The following SLC66A3 variants were observed in gnomAD, a reference collection of about 807,000 sequenced individuals.
The protein encoded by SLC66A3 is PQ loop repeat containing 3.
In SLC66A3, 23 loss-of-function variants were observed where a neutral mutation model predicts 25.5. The ratio of observed to expected loss-of-function variants is 0.90; its 90% CI spans 0.65 to 1.28. SLC66A3 has a LOEUF of 1.28. SLC66A3 is among the 50% of genes most tolerant of loss of function. The pLI is 0.00. For synonymous variants in SLC66A3, 108 were observed against 112.6 expected (o/e 0.96, Z 0.26); for missense variants, 246 against 262.1 (o/e 0.94, Z 0.42).
At chr2:11,170,981 G>C (rs1377199722) in intron 4 of SLC66A3, among the ~76,000 whole-genome samples, 1 of 152,064 alleles carries the variant, frequency 6.6e-6, no homozygotes, top group East Asian at 1.9e-4. Context: ...AACTAGCTCT[G>C]GCCATTAGTT....
rs140299924 is a variant in SLC66A3, at chr2:11,156,306, T to A, written c.143+617T>A. On this transcript the variant is annotated intron_variant, in intron 1 of 6. Coordinates refer to ENST00000295083, the MANE Select transcript of SLC66A3 (RefSeq NM_152391.5). ...AAGGGGTGACGGAAAGGTCGTTAAATCCTTGATTCTGAGGCAGCTTCTAAG... is the reference window on the plus strand; with the variant it reads ...AAGGGGTGACGGAAAGGTCGTTAAAACCTTGATTCTGAGGCAGCTTCTAAG... 2.6e-5 allele frequency among the ~76,000 whole-genome samples: 4 copies of A among 152,316 alleles called. No homozygotes were observed. The East Asian group carries it at 7.7e-4, about 29-fold the overall frequency.
At chr2:11,158,237 G>C (rs919485153) in intron 1 of SLC66A3, among the ~76,000 whole-genome samples, 1 of 152,202 alleles carries the variant, frequency 6.6e-6, no homozygotes, top group Admixed American at 6.5e-5. Flanking sequence ...ACTTTAAAGG[G>C]ACAGGCATGG....
chr2:11,160,759 T>C, intron 3 of SLC66A3, 65 bp downstream of exon 3: 1 of 1,610,886 alleles, frequency 6.2e-7, no homozygotes. Context: ...GTATGCATTG[T>C]GAAGCAGGCT....
intron 5 of SLC66A3, 48 bp from the exon 6 acceptor site, chr2:11,174,920 A>C (rs1343252241): frequency 6.8e-7 from 1 of 1,464,968 alleles, no homozygotes; most frequent in South Asian, 1.2e-5. Context: ...CTAAGCCCCA[A>C]AATGTCCGAG....
At chr2:11,172,656 G>T in intron 5 of SLC66A3, 1 of 321,176 alleles carries the variant, frequency 3.1e-6, no homozygotes. Context: ...AAGGGCTAAT[G>T]TCTCCATCCA....
rs1435453212 is a variant in SLC66A3, at chr2:11,160,549, G to A, written c.226+1G>A. 1.9e-6 allele frequency: 3 copies of A among 1,614,118 alleles called. No homozygotes were observed. The highest frequency in any genetic ancestry group is 2.2e-5 in the South Asian group (2 of 91,072). ...GAGTACCCCATCCTCATCGCGCAAG[G>A]TAACAGCCCCTTCCCTGTCCAGCGG... On this transcript the variant is annotated splice_donor_variant, in intron 2 of 6. Transcript: ENST00000295083. LOFTEE classifies it high-confidence loss of function.
chr2:11,160,708 A>T lies in SLC66A3; in HGVS notation c.296+14A>T. ...TTACATCGCTGTGTATCCTTTCTGA[A>T]TCTGAGCCAGAAGTGGGAACGGGGA... On this transcript the variant is annotated intron_variant, in intron 3 of 6. Transcript: ENST00000295083. 6.2e-7 allele frequency: 1 copy of T among 1,613,516 alleles called. No individual in the cohort carries two copies. Among genetic ancestry groups the T allele is most frequent in the Non-Finnish European group, 8.5e-7 (1 of 1,179,724 alleles).
intron 4 of SLC66A3, among the ~76,000 whole-genome samples, chr2:11,169,180 T>C (rs1385039004): frequency 6.6e-6 from 1 of 152,156 alleles, no homozygotes; most frequent in African/African-American, 2.4e-5. Context: ...AATTCTTCCT[T>C]GTCCAAGTGA....
At chr2:11,166,031 C>T (rs535892050) in intron 4 of SLC66A3, among the ~76,000 whole-genome samples, 2 of 152,102 alleles carry the variant, frequency 1.3e-5, no homozygotes, top group Admixed American at 6.5e-5. Context: ...GGAGAGGGAT[C>T]CCCAGCTAAT....
In SLC66A3 at chr2:11,160,843, T is replaced by C. The variant is rs1572177904; in HGVS notation, c.296+149T>C. ...AAAATCCCAAATGCAAACGTGTCCA[T>C]GTACACCAGAGATGCCCTCAGTACA... On this transcript the variant is annotated intron_variant, in intron 3 of 6. Transcript: ENST00000295083. 29 of 1,299,992 alleles carry C rather than the reference T, an allele frequency of 2.2e-5. No homozygotes were observed. In the East Asian group the frequency reaches 7.2e-4, roughly 32 times the overall value. The allele number at this position is 1,299,992 out of a possible 1,614,324, so 80.5% of individuals were successfully genotyped here.
intron 4 of SLC66A3, among the ~76,000 whole-genome samples, chr2:11,167,302 GT>G (rs1194336502): frequency 6.6e-5 from 10 of 152,142 alleles, no homozygotes; most frequent in Admixed American, 3.3e-4. Context: ...AATTATCTGG[GT>G]GTGGTGGCGC....
In SLC66A3 at chr2:11,164,223, A is replaced by G. The variant is rs772145693; in HGVS notation, c.316A>G (p.Ile106Val). The change falls in exon 4 of 7, where the codon ATC (isoleucine) becomes GTC (valine). Residue 106 changes from isoleucine (I) to valine (V), a missense_variant. By Grantham distance (29) the Ile-to-Val change is conservative. Coordinates refer to ENST00000295083, the MANE Select transcript of SLC66A3 (RefSeq NM_152391.5). ...GGTAAGATTGGTGTCTTCTTGGTTCATCCTTGCCCTGCAGAAGTGGATCAT... is the reference window on the plus strand; with the variant it reads ...GGTAAGATTGGTGTCTTCTTGGTTCGTCCTTGCCCTGCAGAAGTGGATCAT... ...YIAVLVSSWF[I>V]LALQKWIIDL... 3 of 1,578,380 alleles carry G rather than the reference A, an allele frequency of 1.9e-6. No homozygotes were observed. The East Asian group carries it at 7.2e-5, about 38-fold the overall frequency.
In SLC66A3 at chr2:11,172,024, C is replaced by G. The variant is rs758914995; in HGVS notation, c.454C>G (p.Leu152Val). 1 of 1,614,044 alleles carries G rather than the reference C, an allele frequency of 6.2e-7. No homozygotes were observed. The highest frequency in any genetic ancestry group is 1.7e-5 in the Admixed American group (1 of 60,012). ...SGTVSALTWS[L>V]SSYTCATRII... is the part of the protein sequence containing the mutation. ...AACTGTGAGTGCGCTGACTTGGAGCCTCTCTTCCTATACCTGTGCAAGTAA... is the reference window on the plus strand; with the variant it reads ...AACTGTGAGTGCGCTGACTTGGAGCGTCTCTTCCTATACCTGTGCAAGTAA... The change falls in exon 5 of 7, where the codon CTC (leucine) becomes GTC (valine). Residue 152 changes from leucine to valine, a missense_variant. By Grantham distance (32) the Leu-to-Val change is conservative (BLOSUM62 1). Coordinates refer to ENST00000295083, the MANE Select transcript of SLC66A3 (RefSeq NM_152391.5).
chr2:11,177,456 CAAAAA>C (rs371498449), intron 6 of SLC66A3, among the ~76,000 whole-genome samples: 24 of 107,110 alleles, frequency 2.2e-4, no homozygotes, highest in Middle Eastern at 9.8e-3. Context: ...AAGACTGTCT[CAAAAA>C]AAAAAAAAAA....
intron 4 of SLC66A3, among the ~76,000 whole-genome samples, chr2:11,164,949 A>C (rs1251899135): frequency 3.3e-5 from 5 of 152,260 alleles, no homozygotes; most frequent in African/African-American, 1.2e-4. Context: ...CTACACAGAC[A>C]CAGCAACAAT....
chr2:11,155,551 A>T lies in SLC66A3; in HGVS notation c.5A>T (p.Glu2Val). 9.3e-6 allele frequency: 14 copies of T among 1,498,934 alleles called. No individual in the cohort carries two copies. The highest frequency in any genetic ancestry group is 1.2e-5 in the Non-Finnish European group (14 of 1,132,994). The allele number at this position is 1,498,934 out of a possible 1,614,324, so 92.9% of individuals were successfully genotyped here. Reference sequence around the variant, plus strand: ...GGTGCCCGCGCCCGTGGCGCTATGGAGGCGGCGCTGCTGGGGCTGTGTAAC... The same window carrying T: ...GGTGCCCGCGCCCGTGGCGCTATGGTGGCGGCGCTGCTGGGGCTGTGTAAC... MEAALLGLCNWS... is the reference protein window; with the variant it reads MVAALLGLCNWS... Residue 2 changes from glutamate (E) to valine (V), a missense_variant, in exon 1 of 7, where the codon GAG becomes GTG. Physicochemically the swap from Glu to Val is moderately radical, Grantham distance 121. This residue lies in a region of SLC66A3 where 142 missense variants were observed against 130.3 expected (regional missense o/e 1.09). Coordinates refer to ENST00000295083, the MANE Select transcript of SLC66A3 (RefSeq NM_152391.5).
chr2:11,175,151 T>G, intron 6 of SLC66A3, 142 bp downstream of exon 6: 2 of 604,988 alleles, frequency 3.3e-6, no homozygotes, highest in East Asian at 2.9e-5. Flanking sequence ...GTATTCCTAG[T>G]CTTATTGGTC....
intron 1 of SLC66A3, among the ~76,000 whole-genome samples, chr2:11,157,443 G>A (rs936255849): frequency 3.3e-5 from 5 of 152,254 alleles, no homozygotes; most frequent in Non-Finnish European, 7.3e-5. Context: ...GCTGTGTCAG[G>A]ACCCATCCTC....
At chr2:11,177,100 T>C (rs13018466) in intron 6 of SLC66A3, among the ~76,000 whole-genome samples, 72,618 of 151,990 alleles carry the variant, frequency 0.48, 18,780 homozygotes, top group Non-Finnish European at 0.58. Flanking sequence ...CCTTGCTTAA[T>C]ATGGAACGTT....
Sources: allele counts gnomAD v4.1 joint callset (sites outside exome capture counted in the v4.1 genomes callset), GRCh38; gene constraint gnomAD v4.1.1; regional missense constraint gnomAD v4.1.1; transcripts MANE v1.5; gene names NCBI Gene and HGNC (gene_info 2026-07-23, HGNC 2026-07-21).